The following AGTRAP variants were observed in gnomAD, a reference collection of about 807,000 sequenced individuals.
AGTRAP encodes the protein angiotensin II receptor associated protein.
A neutral mutation model predicts 15.2 loss-of-function variants in AGTRAP; 7 were observed. That is an observed-to-expected ratio of 0.46 (90% CI 0.26 to 0.87). AGTRAP has a LOEUF of 0.87. AGTRAP is among the 40% of genes least tolerant of loss of function. The pLI, the probability that AGTRAP is intolerant of heterozygous loss-of-function variation, is 0.15. For synonymous variants in AGTRAP, 74 were observed against 89.6 expected, an observed-to-expected ratio of 0.83 and a Z score of 0.98; for missense variants, 187 against 213.4, an observed-to-expected ratio of 0.88 and a Z score of 0.77.
intron 1 of AGTRAP, chr1:11,744,429 C>G: frequency 1.6e-6 from 1 of 644,652 alleles, no homozygotes; most frequent in Non-Finnish European, 2.9e-6. Flanking sequence ...ATGAAGCCCA[C>G]GCTCCTTCCC....
chr1:11,737,783 C>A (rs1445531585), intron 1 of AGTRAP, among the ~76,000 whole-genome samples: 1 of 152,096 alleles, frequency 6.6e-6, no homozygotes, highest in Non-Finnish European at 1.5e-5. Flanking sequence ...AGAGCATCCA[C>A]AGGTATGAGC....
intron 1 of AGTRAP, among the ~76,000 whole-genome samples, chr1:11,740,867 C>T (rs1642013656): frequency 6.6e-6 from 1 of 152,164 alleles, no homozygotes; most frequent in Non-Finnish European, 1.5e-5. Flanking sequence ...GAGCTACCTT[C>T]CCTCTGTCTC....
At position 11,745,200 on chromosome 1, in the gene AGTRAP, G is replaced by T. The variant is rs532378028; in HGVS notation, c.28-603G>T. Among the ~76,000 whole-genome samples, 3 of 152,288 alleles carry T rather than the reference G, an allele frequency of 2.0e-5. No individual in the cohort carries two copies. The South Asian group carries it at 6.2e-4, about 32-fold the overall frequency. Reference sequence around the variant, plus strand: ...TATTTCTTGATAGTATGCTAACCAAGGGGTGGATTATTCATGCCTCCCCTT... The same window carrying T: ...TATTTCTTGATAGTATGCTAACCAATGGGTGGATTATTCATGCCTCCCCTT... On this transcript the variant is annotated intron_variant, in intron 1 of 4. Coordinates refer to ENST00000314340, the MANE Select transcript of AGTRAP (RefSeq NM_020350.5). The surrounding 1 kb of genome is among the most constrained non-coding windows in gnomAD (Gnocchi z 4.2).
At chr1:11,740,285 G>T (rs894287471) in intron 1 of AGTRAP, among the ~76,000 whole-genome samples, 1 of 152,052 alleles carries the variant, frequency 6.6e-6, no homozygotes, top group Admixed American at 6.5e-5. Context: ...GGCCCGTTTG[G>T]CTCAGTTTCT....
chr1:11,746,507 A>C, intron 2 of AGTRAP: 1 of 339,030 alleles, frequency 2.9e-6, no homozygotes, highest in Non-Finnish European at 5.6e-6. Context: ...GGCAAGGCCC[A>C]GTGGGTTTGG....
At chr1:11,743,600 CTTG>C (rs1221415293) in intron 1 of AGTRAP, among the ~76,000 whole-genome samples, 1 of 126,722 alleles carries the variant, frequency 7.9e-6, no homozygotes, top group Non-Finnish European at 1.6e-5. Flanking sequence ...GAGGTTTGTT[CTTG>C]TTGTCCAGGC....
chr1:11,749,368 G>A (rs1376998447), intron 4 of AGTRAP, among the ~76,000 whole-genome samples: 1 of 152,256 alleles, frequency 6.6e-6, no homozygotes, highest in Non-Finnish European at 1.5e-5. Context: ...CTGGTTGAGG[G>A]TGGGAATGGC....
rs550213966 is a variant in AGTRAP at position 11,745,106 on chromosome 1, C to T, written c.28-697C>T. Among the ~76,000 whole-genome samples the T allele has an allele frequency of 2.0e-4, 31 of 151,782 alleles. No individual in the cohort carries two copies. The highest frequency in any genetic ancestry group is 7.3e-4 in the African/African-American group (30 of 41,372). ...CTGACCTCAGGTGATCCACCCACCT[C>T]GGCCTCCCAAAATGCTGGGATTACA... On this transcript the variant is annotated intron_variant, in intron 1 of 4. Coordinates refer to ENST00000314340, the MANE Select transcript of AGTRAP (RefSeq NM_020350.5). This position sits in a 1 kb window ranked among gnomAD's most constrained non-coding sequence, Gnocchi z 4.2.
rs1641890451 is a variant in AGTRAP at position 11,736,180 on chromosome 1, C to G, written c.-29C>G. 6.3e-7 allele frequency: 1 copy of G among 1,595,900 alleles called. No individual in the cohort carries two copies. Among genetic ancestry groups the G allele is most frequent in the Non-Finnish European group, 8.5e-7 (1 of 1,172,604 alleles). On this transcript the variant is annotated 5_prime_UTR_variant, in exon 1 of 5. Coordinates refer to ENST00000314340, the MANE Select transcript of AGTRAP (RefSeq NM_020350.5). Reference sequence around the variant, plus strand: ...GGAGCCTAGGAGCCCCCCGCGGCTGCGGCGCAGGTGCCCTCGGCCTGAGTC... The same window carrying G: ...GGAGCCTAGGAGCCCCCCGCGGCTGGGGCGCAGGTGCCCTCGGCCTGAGTC...
At position 11,748,590 on chromosome 1, in the gene AGTRAP, G is replaced by A. The variant is rs141868096; in HGVS notation, c.344G>A (p.Gly115Asp). Residue 115 changes from glycine to aspartate, a missense_variant, in exon 4 of 5, where the codon GGT (glycine) becomes GAT (aspartate). Physicochemically the swap from Gly to Asp is moderately conservative, Grantham distance 94. Coordinates refer to ENST00000314340, the MANE Select transcript of AGTRAP (RefSeq NM_020350.5). ...FVYHMYRERG[G>D]ELLVHTGFLG... The stretch of plus-strand genomic sequence containing the variant: ...TACCACATGTACCGGGAGCGCGGGG[G>A]TGAGCTCCTGGTCCACACTGGTGAG... 53 of 1,608,160 alleles carry A rather than the reference G, an allele frequency of 3.3e-5. No homozygotes were observed. In the African/African-American group the frequency reaches 3.9e-4, roughly 12 times the overall value.
Position 11,736,183 on chromosome 1 carries a change from C to A in AGTRAP, c.-26C>A. On this transcript the variant is annotated 5_prime_UTR_variant, in exon 1 of 5. Transcript: ENST00000314340. ...GCCTAGGAGCCCCCCGCGGCTGCGG[C>A]GCAGGTGCCCTCGGCCTGAGTCGGG... 1 of 1,597,524 alleles carries A rather than the reference C, an allele frequency of 6.3e-7. No individual in the cohort carries two copies. Among genetic ancestry groups the A allele is most frequent in the Non-Finnish European group, 8.5e-7 (1 of 1,173,302 alleles).
At chr1:11,744,476 C>A in intron 1 of AGTRAP, 1 of 707,600 alleles carries the variant, frequency 1.4e-6, no homozygotes, top group Non-Finnish European at 2.6e-6. Flanking sequence ...CCCAGCTACC[C>A]TCCCTTTGCC....
chr1:11,747,599 G>C, intron 3 of AGTRAP, 54 bp downstream of exon 3: 1 of 1,565,208 alleles, frequency 6.4e-7, no homozygotes, highest in Non-Finnish European at 8.8e-7. Flanking sequence ...CACAGGGCAA[G>C]ACATAGCCTG....
chr1:11,747,909 G>A (rs1253354853), intron 3 of AGTRAP, among the ~76,000 whole-genome samples: 2 of 152,128 alleles, frequency 1.3e-5, no homozygotes, highest in South Asian at 2.1e-4. Flanking sequence ...TGGGAGACCC[G>A]GCCAAGAGGG....
intron 2 of AGTRAP, chr1:11,746,186 T>C (rs759342369): frequency 6.2e-7 from 1 of 1,613,222 alleles, no homozygotes; most frequent in Non-Finnish European, 8.5e-7. Flanking sequence ...ACCTGTGCAC[T>C]TTGCAAACTT....
intron 2 of AGTRAP, chr1:11,746,184 A>G: frequency 6.2e-7 from 1 of 1,613,260 alleles, no homozygotes; most frequent in Non-Finnish European, 8.5e-7. Context: ...TCACCTGTGC[A>G]CTTTGCAAAC....
chr1:11,740,957 T>A (rs180925228), intron 1 of AGTRAP, among the ~76,000 whole-genome samples: 2 of 152,076 alleles, frequency 1.3e-5, no homozygotes, highest in Non-Finnish European at 2.9e-5. Flanking sequence ...GCAAGTTCCT[T>A]CCTGTCTGTG....
chr1:11,748,649 T>A lies in AGTRAP; in HGVS notation c.364+39T>A, dbSNP rs11121819. On this transcript the variant is annotated intron_variant, in intron 4 of 4. Coordinates refer to ENST00000314340, the MANE Select transcript of AGTRAP (RefSeq NM_020350.5). ...CTCCAGCCAGCTCCTCACCGCTCCC[T>A]TCTCTCCCTTGCCTGGCCTCCAGCC... The A allele has an allele frequency of 2.1e-5, 34 of 1,582,520 alleles. No homozygotes were observed. In the East Asian group the frequency reaches 6.8e-4, roughly 32 times the overall value.
rs1187400816 is a variant in AGTRAP, at chr1:11,750,261, T to C, written c.*69T>C. On this transcript the variant is annotated 3_prime_UTR_variant, in exon 5 of 5. Transcript: ENST00000314340. ...GCCTGGGAGGTCGTTCTAGGGATGCTCCTGACCTCCGTCTCTTGGACCTAA... is the reference window on the plus strand; with the variant it reads ...GCCTGGGAGGTCGTTCTAGGGATGCCCCTGACCTCCGTCTCTTGGACCTAA... 7.9e-7 allele frequency: 1 copy of C among 1,261,302 alleles called. No homozygotes were observed. Among genetic ancestry groups the C allele is most frequent in the African/African-American group, 1.5e-5 (1 of 67,958 alleles). The allele number at this position is 1,261,302 out of a possible 1,614,324, so 78.1% of individuals were successfully genotyped here.
Sources: allele counts gnomAD v4.1 joint callset (sites outside exome capture counted in the v4.1 genomes callset), GRCh38; gene constraint gnomAD v4.1.1; non-coding constraint Gnocchi (gnomAD v3.1); transcripts MANE v1.5; gene names NCBI Gene and HGNC (gene_info 2026-07-23, HGNC 2026-07-21).